Variants in TCEANC2 observed in about 807,000 individuals in gnomAD.
TCEANC2 encodes the protein transcription elongation factor A N-terminal and central domain-containing protein 2.
A neutral mutation model predicts 22.8 loss-of-function variants in TCEANC2; 20 were observed. The observed-to-expected ratio is 0.88, with a 90% CI of 0.62 to 1.28. TCEANC2 has a LOEUF of 1.28. Among genes scored for constraint, TCEANC2 ranks in the 50% most tolerant of loss-of-function variants. The pLI is 0.00. For missense variants in TCEANC2, 251 were observed against 249.7 expected, an observed-to-expected ratio of 1.01 and a Z score of -0.03; for synonymous variants, 84 against 95.5, an observed-to-expected ratio of 0.88 and a Z score of 0.70.
intron 3 of TCEANC2, among the ~76,000 whole-genome samples, chr1:54,076,294 C>T (rs1658142479): frequency 6.6e-6 from 1 of 152,126 alleles, no homozygotes; most frequent in African/African-American, 2.4e-5. Context: ...AGTGTCTGTT[C>T]CCTTTTTTGT....
chr1:54,082,805 T>C (rs1474016430), intron 3 of TCEANC2, among the ~76,000 whole-genome samples: 2 of 152,170 alleles, frequency 1.3e-5, no homozygotes, highest in Non-Finnish European at 2.9e-5. Flanking sequence ...GAAGTTAATT[T>C]GAGGGCCATG....
rs573153101 is a variant in TCEANC2 at position 54,071,665 on chromosome 1, T to C, written c.244+2768T>C. Among the ~76,000 whole-genome samples, 5 of 152,322 alleles carry C rather than the reference T, an allele frequency of 3.3e-5. No homozygotes were observed. The South Asian group carries it at 8.3e-4, about 25-fold the overall frequency. On this transcript the variant is annotated intron_variant, in intron 3 of 4. Coordinates refer to ENST00000234827, the MANE Select transcript of TCEANC2 (RefSeq NM_153035.3). ...CAGTTTGGAAGGCAACATAAGGGTATGAATACCAGGAGGTGATAATCATTG... is the reference window on the plus strand; with the variant it reads ...CAGTTTGGAAGGCAACATAAGGGTACGAATACCAGGAGGTGATAATCATTG...
chr1:54,061,752 A>G (rs1171026703), intron 2 of TCEANC2, among the ~76,000 whole-genome samples: 6 of 118,844 alleles, frequency 5.0e-5, no homozygotes, highest in Admixed American at 1.5e-4. Context: ...GGTGAGCTGG[A>G]AAAAAAAAAA....
At chr1:54,088,846 G>T in intron 4 of TCEANC2, 56 bp downstream of exon 4, 4 of 1,327,650 alleles carry the variant, frequency 3.0e-6, no homozygotes, top group Non-Finnish European at 4.0e-6. Flanking sequence ...ATTTTTAAAA[G>T]AAGAAAAATA....
At position 54,104,278 on chromosome 1, in the gene TCEANC2, G is replaced by A; in HGVS notation, c.*7805G>A. The A allele has an allele frequency of 5.4e-6, 1 of 183,550 alleles. No individual in the cohort carries two copies. Among genetic ancestry groups the A allele is most frequent in the Non-Finnish European group, 1.2e-5 (1 of 85,904 alleles). 11.4% of individuals were successfully genotyped at this position (183,550 alleles called of 1,614,324 possible). A position where few individuals can be genotyped will look rare whatever the true frequency, so the allele number is the denominator to read the frequency against. ...CATAGTTCTGGGCTCTGCAGGTTTAGAGGTTTTGAGTCACAAAGGAGGAAC... is the reference window on the plus strand; with the variant it reads ...CATAGTTCTGGGCTCTGCAGGTTTAAAGGTTTTGAGTCACAAAGGAGGAAC... On this transcript the variant is annotated 3_prime_UTR_variant, in exon 5 of 5. Coordinates refer to ENST00000234827, the MANE Select transcript of TCEANC2 (RefSeq NM_153035.3).
At chr1:54,060,361 C>T (rs1037686734) in intron 2 of TCEANC2, among the ~76,000 whole-genome samples, 13 of 150,878 alleles carry the variant, frequency 8.6e-5, no homozygotes, top group East Asian at 2.0e-4. Flanking sequence ...GCTGAGATTG[C>T]GCCACTGCGC....
At chr1:54,070,413 C>T (rs17109712) in intron 3 of TCEANC2, among the ~76,000 whole-genome samples, 14,662 of 151,878 alleles carry the variant, frequency 0.097, 1,664 homozygotes, top group African/African-American at 0.28. Context: ...CATAATAGGC[C>T]GGATTTGAAG....
intron 3 of TCEANC2, among the ~76,000 whole-genome samples, chr1:54,083,197 T>C (rs1351361552): frequency 1.3e-5 from 2 of 152,086 alleles, no homozygotes; most frequent in Non-Finnish European, 2.9e-5. Flanking sequence ...AGATGTCCAG[T>C]AGGGGACTGG....
At chr1:54,074,320 G>A (rs766318325) in intron 3 of TCEANC2, among the ~76,000 whole-genome samples, 3 of 152,136 alleles carry the variant, frequency 2.0e-5, no homozygotes, top group Non-Finnish European at 2.9e-5. Context: ...ACAATTAGCT[G>A]GGCATGGTGG....
intron 2 of TCEANC2, among the ~76,000 whole-genome samples, chr1:54,060,797 G>C (rs973575142): frequency 6.6e-6 from 1 of 151,930 alleles, no homozygotes; most frequent in Non-Finnish European, 1.5e-5. Context: ...AAAATTAGCC[G>C]GGTGTGGTGG....
intron 3 of TCEANC2, among the ~76,000 whole-genome samples, chr1:54,080,230 G>A (rs1478016031): frequency 1.3e-5 from 2 of 150,292 alleles, no homozygotes; most frequent in East Asian, 2.0e-4. Flanking sequence ...TGAAACCTCC[G>A]ACTCCTGGGT....
chr1:54,104,511 G>T lies in TCEANC2; in HGVS notation c.*8038G>T, dbSNP rs1020414674. ...TATCTTTGGTACTCAGTTGATTCAC[G>T]TGGAGACTTCTTGGTATTCCTTTGC... On this transcript the variant is annotated 3_prime_UTR_variant, in exon 5 of 5. Coordinates refer to ENST00000234827, the MANE Select transcript of TCEANC2 (RefSeq NM_153035.3). 3 of 437,450 alleles carry T rather than the reference G, an allele frequency of 6.9e-6. No individual in the cohort carries two copies. The highest frequency in any genetic ancestry group is 1.4e-5 in the Non-Finnish European group (3 of 218,550). 27.1% of individuals were successfully genotyped at this position (437,450 alleles called of 1,614,324 possible). A position where few individuals can be genotyped will look rare whatever the true frequency, so the allele number is the denominator to read the frequency against.
chr1:54,107,683 GT>G (rs1463296011), downstream of TCEANC2, among the ~76,000 whole-genome samples: 2 of 152,136 alleles, frequency 1.3e-5, no homozygotes, highest in Non-Finnish European at 2.9e-5. Flanking sequence ...GTAATCAGAT[GT>G]TTTTTCATAG....
chr1:54,110,558 T>G (rs1658823570), downstream of TCEANC2, among the ~76,000 whole-genome samples: 1 of 152,060 alleles, frequency 6.6e-6, no homozygotes, highest in Non-Finnish European at 1.5e-5. Flanking sequence ...GAGCCGTAAT[T>G]GCGCCACTGC....
intron 1 of TCEANC2, chr1:54,054,130 G>T: frequency 4.1e-6 from 3 of 726,906 alleles, no homozygotes; most frequent in South Asian, 3.9e-5. Flanking sequence ...CCCCAATGTT[G>T]GAATCCTCGC....
In TCEANC2 at chr1:54,100,950, T is replaced by TCAATTAGA. The variant is rs1384798821; in HGVS notation, c.*4478_*4485dup. 5 of 151,334 alleles carry TCAATTAGA rather than the reference T, an allele frequency of 3.3e-5. No homozygotes were observed. Among genetic ancestry groups the TCAATTAGA allele is most frequent in the Non-Finnish European group, 5.9e-5 (4 of 67,860 alleles). The allele number at this position is 151,334 out of a possible 1,614,324, so 9.4% of individuals were successfully genotyped here. A position where few individuals can be genotyped will look rare whatever the true frequency, so the allele number is the denominator to read the frequency against. On this transcript the variant is annotated 3_prime_UTR_variant, in exon 5 of 5. Transcript: ENST00000234827. ...AAGGAAAGAAACACTTGAGATTCAG[T>TCAATTAGA]CAATTAGAGGTTTTTTTTTTTTGAC...
chr1:54,079,901 C>T (rs969453347), intron 3 of TCEANC2, among the ~76,000 whole-genome samples: 13 of 152,160 alleles, frequency 8.5e-5, no homozygotes, highest in African/African-American at 3.1e-4. Context: ...TTGTGTTATT[C>T]CTGTCTCCTT....
At chr1:54,093,904 A>G (rs1658494588) in intron 4 of TCEANC2, among the ~76,000 whole-genome samples, 1 of 152,036 alleles carries the variant, frequency 6.6e-6, no homozygotes, top group African/African-American at 2.4e-5. Context: ...TCATACCGGG[A>G]TAAGGAACTT....
chr1:54,093,122 G>A (rs1443139506), intron 4 of TCEANC2, among the ~76,000 whole-genome samples: 1 of 152,178 alleles, frequency 6.6e-6, no homozygotes, highest in Non-Finnish European at 1.5e-5. Flanking sequence ...ATGTGAGAAA[G>A]AGACCAGGCA....
Sources: allele counts gnomAD v4.1 joint callset (sites outside exome capture counted in the v4.1 genomes callset), GRCh38; gene constraint gnomAD v4.1.1; transcripts MANE v1.5; gene names NCBI Gene and HGNC (gene_info 2026-07-23, HGNC 2026-07-21).